SS18L1: variants seen among roughly 807,000 people sequenced by gnomAD.
SS18L1 encodes the protein calcium-responsive transactivator.
A neutral mutation model predicts 70.3 loss-of-function variants in SS18L1; 32 were observed. The ratio of observed to expected loss-of-function variants is 0.46; its 90% CI spans 0.34 to 0.61. The LOEUF is 0.61. Among genes scored for constraint, SS18L1 ranks in the 20% least tolerant of loss-of-function variants. The probability of loss-of-function intolerance (pLI) is 0.01; values close to 1 mark genes in which losing one functional copy is unlikely to be tolerated. For missense variants in SS18L1, 430 were observed against 542.1 expected (o/e 0.79, Z 2.05); for synonymous variants, 237 against 229.7 (o/e 1.03, Z -0.29).
Position 62,179,590 on chromosome 20 carries a change from C to CT in SS18L1, c.*382_*383insT. ...CAGTCCACCTGTTCCCGTCAACAGA[C>CT]GTTAGGTCTCATTTTCCTCCTCATG... is the stretch of plus-strand genomic sequence containing the variant. On this transcript the variant is annotated 3_prime_UTR_variant, in exon 11 of 11. Coordinates refer to ENST00000331758, the MANE Select transcript of SS18L1 (RefSeq NM_198935.3). The CT allele has an allele frequency of 3.3e-6, 1 of 303,184 alleles. No individual in the cohort carries two copies. Among genetic ancestry groups the CT allele is most frequent in the Non-Finnish European group, 6.2e-6 (1 of 160,096 alleles). The allele number at this position is 303,184 out of a possible 1,614,324, so 18.8% of individuals were successfully genotyped here. A position where few individuals can be genotyped will look rare whatever the true frequency, so the allele number is the denominator to read the frequency against.
At chr20:62,150,016 A>G (rs570954012) in intron 1 of SS18L1, among the ~76,000 whole-genome samples, 55 of 152,378 alleles carry the variant, frequency 3.6e-4, no homozygotes, top group South Asian at 6.2e-4. Context: ...GCCAAGGCAC[A>G]TGCAGAGGCG....
intron 8 of SS18L1, among the ~76,000 whole-genome samples, chr20:62,168,921 A>G (rs942646448): frequency 8.5e-5 from 13 of 152,344 alleles, no homozygotes; most frequent in Non-Finnish European, 1.8e-4. Context: ...GAGCCTGCAG[A>G]ATCTGATAAA....
chr20:62,180,851 C>T lies in SS18L1; in HGVS notation c.*1643C>T, dbSNP rs1023753544. 12 of 168,740 alleles carry T rather than the reference C, an allele frequency of 7.1e-5. No individual in the cohort carries two copies. The highest frequency in any genetic ancestry group is 2.9e-4 in the African/African-American group (12 of 42,054). 10.5% of individuals were successfully genotyped at this position (168,740 alleles called of 1,614,324 possible). ...CAGAGGTTGTGGTGGGGCAAGATCG[C>T]ACCATTGCACCCGAGCCTAGGCAAC... is the stretch of plus-strand genomic sequence containing the variant. On this transcript the variant is annotated 3_prime_UTR_variant, in exon 11 of 11. Coordinates refer to ENST00000331758, the MANE Select transcript of SS18L1 (RefSeq NM_198935.3).
chr20:62,167,049 T>G (rs1228036720), intron 8 of SS18L1, among the ~76,000 whole-genome samples: 1 of 133,750 alleles, frequency 7.5e-6, no homozygotes, highest in Non-Finnish European at 1.6e-5. Flanking sequence ...TTTGTTTTTT[T>G]TTTTTTTTTT....
intron 7 of SS18L1, among the ~76,000 whole-genome samples, 190 bp downstream of exon 7, chr20:62,164,436 G>A (rs913898187): frequency 1.3e-5 from 2 of 152,244 alleles, no homozygotes; most frequent in South Asian, 2.1e-4. Flanking sequence ...AGCTGGGCTG[G>A]CAGTGGTGCC....
intron 1 of SS18L1, among the ~76,000 whole-genome samples, chr20:62,144,234 G>T (rs1303467841): frequency 6.6e-6 from 1 of 151,920 alleles, no homozygotes; most frequent in African/African-American, 2.4e-5. Context: ...GCTGGGAACT[G>T]TCCTGGGCTA....
At position 62,170,167 on chromosome 20, in the gene SS18L1, C is replaced by T. The variant is rs1013485402; in HGVS notation, c.917-2515C>T. On this transcript the variant is annotated intron_variant, in intron 8 of 10. Coordinates refer to ENST00000331758, the MANE Select transcript of SS18L1 (RefSeq NM_198935.3). The stretch of plus-strand genomic sequence containing the variant: ...TCACACACAGATGCGCCATGCTGCC[C>T]GGCACCTTCTCACGGGCACCCCGCA... Among the ~76,000 whole-genome samples, 4 of 152,212 alleles carry T rather than the reference C, an allele frequency of 2.6e-5. No individual in the cohort carries two copies. The South Asian group carries it at 8.3e-4, about 31-fold the overall frequency.
intron 1 of SS18L1, among the ~76,000 whole-genome samples, chr20:62,153,670 T>A (rs1289727666): frequency 6.6e-6 from 1 of 152,170 alleles, no homozygotes; most frequent in Non-Finnish European, 1.5e-5. Flanking sequence ...TTGTTGATTG[T>A]TTTTCTTTTC....
intron 9 of SS18L1, among the ~76,000 whole-genome samples, chr20:62,173,386 C>T (rs942011913): frequency 6.6e-6 from 1 of 152,210 alleles, no homozygotes; most frequent in East Asian, 1.9e-4. Flanking sequence ...TTATTCAGCC[C>T]TTTACAGCCA....
At chr20:62,148,681 A>G (rs984656535) in intron 1 of SS18L1, among the ~76,000 whole-genome samples, 3 of 152,240 alleles carry the variant, frequency 2.0e-5, no homozygotes, top group Non-Finnish European at 4.4e-5. Flanking sequence ...CCCAAGCGCC[A>G]CGGGGGAGGT....
intron 8 of SS18L1, among the ~76,000 whole-genome samples, chr20:62,168,467 G>A (rs1206013394): frequency 6.6e-6 from 1 of 152,156 alleles, no homozygotes; most frequent in Non-Finnish European, 1.5e-5. Context: ...ACGTTAGGAG[G>A]AATGGGTCAA....
At chr20:62,165,844 A>G (rs2057419715) in intron 8 of SS18L1, among the ~76,000 whole-genome samples, 1 of 152,156 alleles carries the variant, frequency 6.6e-6, no homozygotes, top group Non-Finnish European at 1.5e-5. Context: ...GGTTGGGGAC[A>G]CAGACTCTGT....
Position 62,162,748 on chromosome 20 carries a change from C to T in SS18L1, c.377-4C>T. 6.2e-7 allele frequency: 1 copy of T among 1,604,934 alleles called. No individual in the cohort carries two copies. The highest frequency in any genetic ancestry group is 8.5e-7 in the Non-Finnish European group (1 of 1,174,348). Reference sequence around the variant, plus strand: ...CTGACACCACTCCCTGCTCCCCATGCCAGGGCCGAGCCACGTGTCCATGCA... The same window carrying T: ...CTGACACCACTCCCTGCTCCCCATGTCAGGGCCGAGCCACGTGTCCATGCA... On this transcript the variant is annotated splice_region_variant and splice_polypyrimidine_tract_variant and intron_variant, in intron 4 of 10. Coordinates refer to ENST00000331758, the MANE Select transcript of SS18L1 (RefSeq NM_198935.3).
chr20:62,148,407 C>A (rs956935883), intron 1 of SS18L1, among the ~76,000 whole-genome samples: 3 of 147,830 alleles, frequency 2.0e-5, no homozygotes, highest in Non-Finnish European at 4.5e-5. Context: ...GGAGGCTCGG[C>A]CTCCTTGCTG....
intron 6 of SS18L1, 145 bp downstream of exon 6, chr20:62,163,767 T>TTCC (rs2057376158): frequency 8.4e-7 from 1 of 1,195,698 alleles, no homozygotes; most frequent in South Asian, 1.6e-5. Flanking sequence ...GGTGTTAACA[T>TTCC]TGAGTGTGGA....
chr20:62,171,051 G>A (rs1300456517), intron 8 of SS18L1, among the ~76,000 whole-genome samples: 4 of 150,566 alleles, frequency 2.7e-5, no homozygotes, highest in South Asian at 2.1e-4. Context: ...ACAGGCTCCC[G>A]CCACCATGCC....
rs764334817 is a variant in SS18L1, at chr20:62,165,476, G to A, written c.878G>A (p.Arg293Gln). 1.2e-5 allele frequency: 19 copies of A among 1,612,880 alleles called. No individual in the cohort carries two copies. Among genetic ancestry groups the A allele is most frequent in the Non-Finnish European group, 1.4e-5 (17 of 1,179,864 alleles). The change falls in exon 8 of 11, where the codon CGG (arginine) becomes CAG (glutamine). Residue 293 changes from arginine (R) to glutamine (Q), a missense_variant. Transcript: ENST00000331758. ...TCCTACACGGAGCAGAGCTACGACC[G>A]GTCCTTCGAGGAGTCCACGCAGCAC... is the stretch of plus-strand genomic sequence containing the variant. ...QSSYTEQSYDRSFEESTQHYY... is the reference protein window; with the variant it reads ...QSSYTEQSYDQSFEESTQHYY...
chr20:62,158,542 C>G lies in SS18L1; in HGVS notation c.70-130C>G. ...CAGATATCCCCAAATCTGGAAAAAT[C>G]TGAAATCTGACACGTTTCACGTAAG... is the stretch of plus-strand genomic sequence containing the variant. On this transcript the variant is annotated intron_variant, in intron 1 of 10. Transcript: ENST00000331758. The surrounding 1 kb of genome is among the most constrained non-coding windows in gnomAD (Gnocchi z 4.5). 7.0e-7 allele frequency: 1 copy of G among 1,426,086 alleles called. No homozygotes were observed. Among genetic ancestry groups the G allele is most frequent in the Non-Finnish European group, 9.4e-7 (1 of 1,065,522 alleles). The allele number at this position is 1,426,086 out of a possible 1,614,324, so 88.3% of individuals were successfully genotyped here. A position where few individuals can be genotyped will look rare whatever the true frequency, so the allele number is the denominator to read the frequency against.
At chr20:62,162,237 T>C (rs1324903034) in intron 4 of SS18L1, among the ~76,000 whole-genome samples, 1 of 152,118 alleles carries the variant, frequency 6.6e-6, no homozygotes, top group African/African-American at 2.4e-5. Context: ...CAGAAAATAA[T>C]AACAAAATAA....
Sources: gnomAD v4.1 joint callset for allele counts (sites outside exome capture counted in the v4.1 genomes callset) on GRCh38, gnomAD v4.1.1 for gene constraint, Gnocchi (gnomAD v3.1) non-coding constraint, MANE v1.5 for transcripts, NCBI Gene and HGNC (gene_info 2026-07-23, HGNC 2026-07-21) for gene names.